The following BBS7 variants were observed in gnomAD, a reference collection of about 807,000 sequenced individuals.
BBS7 encodes BBSome complex member BBS7.
Under a neutral mutation model 90.3 loss-of-function variants are expected in BBS7, and 50 were observed. That is an observed-to-expected ratio of 0.55 (90% CI 0.44 to 0.70). The LOEUF (loss-of-function observed/expected upper bound fraction) is 0.70, where lower values mean the gene tolerates loss of function less well. Ranked by LOEUF, BBS7 falls within the 30% of genes least tolerant of loss-of-function variation. The pLI is 0.00. For synonymous variants in BBS7, 235 were observed against 287.4 expected, an observed-to-expected ratio of 0.82 and a Z score of 1.85; for missense variants, 729 against 838.9, an observed-to-expected ratio of 0.87 and a Z score of 1.62.
Position 121,859,080 on chromosome 4 carries a change from A to AT in BBS7, c.439dup (p.Ile147AsnfsTer3). The AT allele has an allele frequency of 1.2e-6, 2 of 1,613,854 alleles. No individual in the cohort carries two copies. Among genetic ancestry groups the AT allele is most frequent in the South Asian group, 2.2e-5 (2 of 91,074 alleles). On this transcript the variant is annotated frameshift_variant, in exon 5 of 19. Transcript: ENST00000264499. LOFTEE classifies it high-confidence loss of function. ...CACTGGAAGGCAGATCACATCATTG[A>AT]TTTTATCCCCAGAAAGGTAATAATG...
intron 5 of BBS7, among the ~76,000 whole-genome samples, chr4:121,856,889 C>G (rs984025503): frequency 6.6e-6 from 1 of 151,810 alleles, no homozygotes; most frequent in East Asian, 1.9e-4. Flanking sequence ...CCTGTCTCAG[C>G]TGCCCGAGTA....
chr4:121,844,012 T>C lies in BBS7; in HGVS notation c.1231-11A>G. On this transcript the variant is annotated splice_polypyrimidine_tract_variant and intron_variant, in intron 11 of 18. Transcript: ENST00000264499. ...TATTGGAACATCACTCTATAGTCAA[T>C]ATTAAAAAAAAAGAAGGTTGAGATG... 6.5e-7 allele frequency: 1 copy of C among 1,544,942 alleles called. No homozygotes were observed. The highest frequency in any genetic ancestry group is 8.9e-7 in the Non-Finnish European group (1 of 1,129,588).
chr4:121,863,438 C>T (rs1326502504), intron 2 of BBS7, among the ~76,000 whole-genome samples, 159 bp from the exon 3 acceptor site: 1 of 151,992 alleles, frequency 6.6e-6, no homozygotes, highest in Admixed American at 6.6e-5. Flanking sequence ...CTCAAAAGAA[C>T]AAGAGCCAAA....
At position 121,835,274 on chromosome 4, in the gene BBS7, T is replaced by C. The variant is rs141224967; in HGVS notation, c.1381A>G (p.Ile461Val). The C allele has an allele frequency of 1.0e-4, 163 of 1,613,684 alleles. No individual in the cohort carries two copies. Among genetic ancestry groups the C allele is most frequent in the Non-Finnish European group, 1.3e-4 (157 of 1,179,800 alleles). ...TTRLELKIRS[I>V]EGQYGTLQAY... ...TGTAGTGTGCCATACTGGCCTTCAA[T>C]TGAGCGAATCTGATTCAACACAAAA... The change falls in exon 14 of 19, where the codon ATT becomes GTT. Residue 461 changes from isoleucine to valine, a missense_variant. Transcript: ENST00000264499.
In BBS7 at chr4:121,870,427, C is replaced by G. The variant is rs879664045; in HGVS notation, c.-114G>C. On this transcript the variant is annotated 5_prime_UTR_variant, in exon 1 of 19. Coordinates refer to ENST00000264499, the MANE Select transcript of BBS7 (RefSeq NM_176824.3). ...GCTGCCCGCGCCCCTCAAAAGCCAG[C>G]CCCAGCTACCGCGCCTAGGTCCTGG... 8.1e-7 allele frequency: 1 copy of G among 1,237,750 alleles called. No individual in the cohort carries two copies. The allele number at this position is 1,237,750 out of a possible 1,614,324, so 76.7% of individuals were successfully genotyped here.
chr4:121,851,277 T>C (rs1726304160), intron 8 of BBS7, among the ~76,000 whole-genome samples: 1 of 151,218 alleles, frequency 6.6e-6, no homozygotes, highest in Non-Finnish European at 1.5e-5. Flanking sequence ...TTTTTGCTAA[T>C]AGAACATTTT....
chr4:121,844,172 A>G (rs1388751329), intron 11 of BBS7, among the ~76,000 whole-genome samples, 171 bp from the exon 12 acceptor site: 1 of 152,244 alleles, frequency 6.6e-6, no homozygotes. Context: ...GAAAATAAAT[A>G]TAATAAAGAA....
At chr4:121,833,440 T>G (rs780898895) in intron 14 of BBS7, 45 bp from the exon 15 acceptor site, 1 of 1,563,880 alleles carries the variant, frequency 6.4e-7, no homozygotes, top group South Asian at 1.1e-5. Context: ...TGGGAATACA[T>G]GAAAGTATTA....
rs775310534 is a variant in BBS7 at position 121,870,334 on chromosome 4, A to G, written c.-21T>C. 2 of 1,613,988 alleles carry G rather than the reference A, an allele frequency of 1.2e-6. No homozygotes were observed. Among genetic ancestry groups the G allele is most frequent in the Admixed American group, 3.3e-5 (2 of 60,004 alleles). On this transcript the variant is annotated 5_prime_UTR_variant, in exon 1 of 19. Transcript: ENST00000264499. Reference sequence around the variant, plus strand: ...TCCATGATGACTACGCGGAGGGGCTAAGCAGCGCCGGACAAGAACAGGAGG... The same window carrying G: ...TCCATGATGACTACGCGGAGGGGCTGAGCAGCGCCGGACAAGAACAGGAGG...
chr4:121,859,041 C>T lies in BBS7; in HGVS notation c.479G>A (p.Arg160His), dbSNP rs138270119. Reference protein sequence around the residue: ...VICLPVERLSRITPVLACQDR... With the variant: ...VICLPVERLSHITPVLACQDR... The stretch of plus-strand genomic sequence containing the variant: ...CTGGCAGGCCAATACAGGTGTGATA[C>T]GAGATAATCTTTCCACTGGAAGGCA... Residue 160 changes from arginine (R) to histidine (H), a missense_variant, in exon 5 of 19, where the codon CGT (arginine) becomes CAT (histidine). Transcript: ENST00000264499. 7.4e-6 allele frequency: 12 copies of T among 1,613,670 alleles called. No homozygotes were observed. The African/African-American group carries it at 1.5e-4, about 20-fold the overall frequency.
intron 18 of BBS7, chr4:121,827,937 T>C (rs914389363): frequency 6.7e-6 from 9 of 1,348,872 alleles, no homozygotes; most frequent in Non-Finnish European, 8.6e-6. Context: ...TTGCATTTTA[T>C]CAAGTAAAAG....
chr4:121,858,755 G>A, intron 5 of BBS7: 1 of 456,454 alleles, frequency 2.2e-6, no homozygotes, highest in Non-Finnish European at 3.9e-6. Flanking sequence ...CTCAGAAATT[G>A]TGTATGGTGA....
intron 18 of BBS7, among the ~76,000 whole-genome samples, chr4:121,826,917 G>A (rs1288861126): frequency 6.6e-6 from 1 of 152,212 alleles, no homozygotes; most frequent in Non-Finnish European, 1.5e-5. Flanking sequence ...CCAGGGGGCA[G>A]AGGCTGCAGT....
intron 15 of BBS7, among the ~76,000 whole-genome samples, chr4:121,828,992 CT>C (rs1397077846): frequency 6.6e-6 from 1 of 151,874 alleles, no homozygotes; most frequent in African/African-American, 2.4e-5. Flanking sequence ...ATTTAAACAA[CT>C]TTTATCTTCA....
In BBS7 at chr4:121,833,370, C is replaced by G. The variant is rs1465262524; in HGVS notation, c.1537G>C (p.Gly513Arg). Residue 513 changes from glycine (G) to arginine (R), a missense_variant, in exon 15 of 19, where the codon GGC (glycine) becomes CGC (arginine). Transcript: ENST00000264499. ...DRPMNTLTLTGQFSFAEVHSW... is the reference protein window; with the variant it reads ...DRPMNTLTLTRQFSFAEVHSW... ...TGAACTTCAGCAAAACTGAACTGGC[C>G]TGTTAGGGTCAGTGTATTCATGGGT... 6.2e-7 allele frequency: 1 copy of G among 1,613,924 alleles called. No individual in the cohort carries two copies. The highest frequency in any genetic ancestry group is 2.2e-5 in the East Asian group (1 of 44,850).
intron 1 of BBS7, among the ~76,000 whole-genome samples, chr4:121,868,347 A>C (rs545808484): frequency 6.6e-6 from 1 of 152,304 alleles, no homozygotes; most frequent in South Asian, 2.1e-4. Flanking sequence ...GTTGTTCAGC[A>C]AAGTGATTCA....
Position 121,855,539 on chromosome 4 carries a change from A to G in BBS7, c.551T>C (p.Val184Ala). ...VLQGSDVMYA[V>A]EVPGPPTVLA... ...GACAGTAGGGGGTCCAGGAACTTCA[A>G]CTGCATACATCACATCAGATCCCTG... Residue 184 changes from valine (V) to alanine (A), a missense_variant, in exon 6 of 19, where the codon GTT becomes GCT. Val to Ala is a moderately conservative substitution (Grantham distance 64). Coordinates refer to ENST00000264499, the MANE Select transcript of BBS7 (RefSeq NM_176824.3). 1 of 1,613,662 alleles carries G rather than the reference A, an allele frequency of 6.2e-7. No individual in the cohort carries two copies.
intron 1 of BBS7, 41 bp downstream of exon 1, chr4:121,870,237 G>C (rs372808420): frequency 6.2e-7 from 1 of 1,613,010 alleles, no homozygotes; most frequent in Non-Finnish European, 8.5e-7. Context: ...CCGGGTGCTG[G>C]GCTTGCCCAG....
chr4:121,869,101 G>A (rs1727448188), intron 1 of BBS7, among the ~76,000 whole-genome samples: 1 of 152,148 alleles, frequency 6.6e-6, no homozygotes, highest in Admixed American at 6.5e-5. Context: ...ACCCAAATGA[G>A]GGTAATAGAG....
Sources: gnomAD v4.1 joint callset for allele counts (sites outside exome capture counted in the v4.1 genomes callset) on GRCh38, gnomAD v4.1.1 for gene constraint, MANE v1.5 for transcripts, NCBI Gene and HGNC (gene_info 2026-07-23, HGNC 2026-07-21) for gene names.